The following INSYN2A variants were observed in gnomAD, a reference collection of about 807,000 sequenced individuals.
INSYN2A encodes inhibitory synaptic factor 2A.
A neutral mutation model predicts 39.4 loss-of-function variants in INSYN2A; 17 were observed. The observed-to-expected ratio is 0.43, with a 90% CI of 0.30 to 0.65. The LOEUF is 0.65. Ranked by LOEUF, INSYN2A falls within the 30% of genes least tolerant of loss-of-function variation. The pLI, the probability that INSYN2A is intolerant of heterozygous loss-of-function variation, is 0.14. For synonymous variants in INSYN2A, 255 were observed against 265.7 expected (o/e 0.96, Z 0.39); for missense variants, 595 against 631.2 (o/e 0.94, Z 0.61).
At chr10:127,151,025 G>T (rs2489390) in intron 5 of INSYN2A, among the ~76,000 whole-genome samples, 1 of 152,170 alleles carries the variant, frequency 6.6e-6, no homozygotes, top group South Asian at 2.1e-4. Context: ...AGTTAGGTAC[G>T]TGTCAATTTT....
chr10:127,171,671 C>G (rs1396347617), intron 4 of INSYN2A, among the ~76,000 whole-genome samples: 7 of 152,074 alleles, frequency 4.6e-5, no homozygotes, highest in Non-Finnish European at 8.8e-5. Flanking sequence ...GATTTGTAGG[C>G]TTTAGAATAT....
At chr10:127,194,939 G>A (rs1207921571) in intron 1 of INSYN2A, among the ~76,000 whole-genome samples, 1 of 152,196 alleles carries the variant, frequency 6.6e-6, no homozygotes, top group African/African-American at 2.4e-5. Flanking sequence ...GGCCCAGAGC[G>A]CGTGCAGCTC....
chr10:127,171,145 C>T (rs536431525), intron 4 of INSYN2A, among the ~76,000 whole-genome samples: 1 of 152,290 alleles, frequency 6.6e-6, no homozygotes, highest in South Asian at 2.1e-4. Flanking sequence ...GTTAACCTGT[C>T]TCAGCCATAA....
chr10:127,165,152 C>A (rs1301647962), intron 4 of INSYN2A, among the ~76,000 whole-genome samples: 2 of 152,190 alleles, frequency 1.3e-5, no homozygotes, highest in South Asian at 4.1e-4. Context: ...AATTTGAAAG[C>A]ATTAATGTTG....
At chr10:127,157,999 T>A (rs1235473195) in intron 4 of INSYN2A, among the ~76,000 whole-genome samples, 1 of 152,216 alleles carries the variant, frequency 6.6e-6, no homozygotes, top group Non-Finnish European at 1.5e-5. Flanking sequence ...AACTATGTAA[T>A]CCATTGTGCT....
At chr10:127,167,916 C>T (rs2054228461) in intron 4 of INSYN2A, among the ~76,000 whole-genome samples, 1 of 152,202 alleles carries the variant, frequency 6.6e-6, no homozygotes, top group African/African-American at 2.4e-5. Flanking sequence ...AATCTTAGCA[C>T]TTGGAGGGTT....
chr10:127,157,686 G>T (rs1430413035), intron 4 of INSYN2A, among the ~76,000 whole-genome samples: 1 of 152,204 alleles, frequency 6.6e-6, no homozygotes, highest in African/African-American at 2.4e-5. Flanking sequence ...GTTGAAAACA[G>T]TGGGTGGTCT....
At chr10:127,149,709 C>CAA (rs59453664) in intron 5 of INSYN2A, among the ~76,000 whole-genome samples, 108,869 of 152,020 alleles carry the variant, frequency 0.72, 43,693 homozygotes, top group South Asian at 0.9. Context: ...CAGGGTATGA[C>CAA]ATTACAATGT....
intron 2 of INSYN2A, 36 bp from the exon 3 acceptor site, chr10:127,177,175 G>C (rs1171609632): frequency 6.6e-6 from 1 of 151,928 alleles, no homozygotes; most frequent in Non-Finnish European, 1.5e-5. Context: ...ACTCATTCTA[G>C]AATCAAGTTT....
chr10:127,146,066 G>T, intron 5 of INSYN2A: 1 of 517,394 alleles, frequency 1.9e-6, no homozygotes. Flanking sequence ...GGCCAGGACT[G>T]CGTCCCGTAT....
Position 127,176,154 on chromosome 10 carries a change from C to T in INSYN2A, c.242G>A (p.Arg81Lys), listed in dbSNP as rs762876030. 5 of 1,614,132 alleles carry T rather than the reference C, an allele frequency of 3.1e-6. No homozygotes were observed. In the Admixed American group the frequency reaches 5.0e-5, roughly 16 times the overall value. Residue 81 changes from arginine (R) to lysine (K), a missense_variant, in exon 4 of 6, where the codon AGA becomes AAA. This residue lies in a region of INSYN2A where 478 missense variants were observed against 467.4 expected (regional missense o/e 1.02). Transcript: ENST00000522781. The surrounding 1 kb of genome is among the most constrained non-coding windows in gnomAD (Gnocchi z 4.4). ...EKREAKPVSC[R>K]AAYRKYMTVP... ...TGTCATGTATTTGCGGTAGGCTGCTCTGCAGGACACGGGCTTGGCCTCCCG... is the reference window on the plus strand; with the variant it reads ...TGTCATGTATTTGCGGTAGGCTGCTTTGCAGGACACGGGCTTGGCCTCCCG...
At chr10:127,141,640 C>T (rs933520643) in intron 5 of INSYN2A, among the ~76,000 whole-genome samples, 1 of 151,898 alleles carries the variant, frequency 6.6e-6, no homozygotes, top group African/African-American at 2.4e-5. Flanking sequence ...CACTGCACTC[C>T]ACCCTGGGTG....
chr10:127,148,121 A>G (rs1043091991), intron 5 of INSYN2A, among the ~76,000 whole-genome samples: 5 of 151,988 alleles, frequency 3.3e-5, no homozygotes, highest in Non-Finnish European at 5.9e-5. Flanking sequence ...GTACACAGCA[A>G]TGCGTTTCAC....
In INSYN2A at chr10:127,176,023, C is replaced by T. The variant is rs757321590; in HGVS notation, c.373G>A (p.Gly125Arg). 2 of 1,614,138 alleles carry T rather than the reference C, an allele frequency of 1.2e-6. No homozygotes were observed. The highest frequency in any genetic ancestry group is 3.3e-5 in the Admixed American group (2 of 60,022). ...YQTFPLDRKK[G>R]NLKSLPAADP... ...GCAGCTGGGAGGCTTTTGAGGTTCCCCTTTTTGCGGTCCAGAGGGAACGTC... is the reference window on the plus strand; with the variant it reads ...GCAGCTGGGAGGCTTTTGAGGTTCCTCTTTTTGCGGTCCAGAGGGAACGTC... The change falls in exon 4 of 6, where the codon GGG becomes AGG. Residue 125 changes from glycine (G) to arginine (R), a missense_variant. Transcript: ENST00000522781. This position sits in a 1 kb window ranked among gnomAD's most constrained non-coding sequence, Gnocchi z 4.4.
chr10:127,137,910 T>C lies in INSYN2A; in HGVS notation c.1367A>G (p.Tyr456Cys). ...GGATTTTTGCTTGGGAGTTGAGGAG[T>C]AAGTCTCCTGAGAGTAAGGCGAAGG... ...VIPSPYSQET[Y>C]SSTPKQKSKT... The change falls in exon 6 of 6, where the codon TAC (tyrosine) becomes TGC (cysteine). Residue 456 changes from tyrosine to cysteine, a missense_variant. Coordinates refer to ENST00000522781, the MANE Select transcript of INSYN2A (RefSeq NM_001039762.3). 6.2e-7 allele frequency: 1 copy of C among 1,614,044 alleles called. No homozygotes were observed. The highest frequency in any genetic ancestry group is 8.5e-7 in the Non-Finnish European group (1 of 1,179,962).
At chr10:127,186,748 T>C (rs2056309737) in intron 2 of INSYN2A, among the ~76,000 whole-genome samples, 1 of 152,030 alleles carries the variant, frequency 6.6e-6, no homozygotes, top group Non-Finnish European at 1.5e-5. Context: ...GCCACACTGC[T>C]GTTGTCCATT....
intron 5 of INSYN2A, among the ~76,000 whole-genome samples, chr10:127,140,533 T>A (rs2051130694): frequency 6.6e-6 from 1 of 152,160 alleles, no homozygotes; most frequent in Non-Finnish European, 1.5e-5. Context: ...AGGCAACGTG[T>A]GCAGAGGTGT....
intron 5 of INSYN2A, among the ~76,000 whole-genome samples, chr10:127,153,642 A>C (rs1213866310): frequency 6.6e-6 from 1 of 152,244 alleles, no homozygotes; most frequent in Non-Finnish European, 1.5e-5. Context: ...TACATTTGCA[A>C]GATAAATGGG....
In INSYN2A at chr10:127,175,473, G is replaced by A. The variant is rs1312508770; in HGVS notation, c.923C>T (p.Ser308Leu). 1.2e-6 allele frequency: 2 copies of A among 1,609,660 alleles called. No individual in the cohort carries two copies. Among genetic ancestry groups the A allele is most frequent in the Admixed American group, 3.3e-5 (2 of 60,024 alleles). ...GGGGGACAGGCACTGCATCGGGGGT[G>A]AGCAGGCCAGGGCAGTTTCCGAGGG... ...QAPSETALAC[S>L]PPMQCLSPEC... The change falls in exon 4 of 6, where the codon TCA (serine) becomes TTA (leucine). Residue 308 changes from serine (S) to leucine (L), a missense_variant. This residue lies in a region of INSYN2A where 478 missense variants were observed against 467.4 expected (regional missense o/e 1.02). Coordinates refer to ENST00000522781, the MANE Select transcript of INSYN2A (RefSeq NM_001039762.3). This position sits in a 1 kb window ranked among gnomAD's most constrained non-coding sequence, Gnocchi z 6.3.
Sources: gnomAD v4.1 joint callset for allele counts (sites outside exome capture counted in the v4.1 genomes callset) on GRCh38, gnomAD v4.1.1 for gene constraint, gnomAD v4.1.1 regional missense constraint, Gnocchi (gnomAD v3.1) non-coding constraint, MANE v1.5 for transcripts, NCBI Gene and HGNC (gene_info 2026-07-23, HGNC 2026-07-21) for gene names.